Variants in VAT1L observed in about 807,000 individuals in gnomAD.
VAT1L encodes putative NADPH-dependent quinone oxidoreductase VAT1L.
In VAT1L, 34 loss-of-function variants were observed where a neutral mutation model predicts 44.1. That is an observed-to-expected ratio of 0.77 (90% CI 0.59 to 1.03). VAT1L has a LOEUF of 1.03. Among genes scored for constraint, VAT1L ranks in the 50% least tolerant of loss-of-function variants. The pLI is 0.00. For missense variants in VAT1L, 615 were observed against 538.8 expected, an observed-to-expected ratio of 1.14 and a Z score of -1.40; for synonymous variants, 253 against 202.2, an observed-to-expected ratio of 1.25 and a Z score of -2.13.
intron 7 of VAT1L, among the ~76,000 whole-genome samples, chr16:77,962,610 C>T (rs937387183): frequency 5.9e-5 from 9 of 151,952 alleles, no homozygotes; most frequent in African/African-American, 2.2e-4. Context: ...AGGCCGGGAG[C>T]AGTGGCTCAT....
intron 7 of VAT1L, among the ~76,000 whole-genome samples, chr16:77,933,641 G>T (rs1416098975): frequency 2.6e-5 from 4 of 152,246 alleles, no homozygotes; most frequent in Non-Finnish European, 5.9e-5. Flanking sequence ...AAAGCCTGAA[G>T]AGGTGATCTG....
At chr16:77,789,879 C>T (rs1434918271) in intron 1 of VAT1L, among the ~76,000 whole-genome samples, 1 of 152,146 alleles carries the variant, frequency 6.6e-6, no homozygotes, top group African/African-American at 2.4e-5. Context: ...CCCTGAAGTT[C>T]TGGGAAGAGC....
At chr16:77,916,116 G>A (rs779863462) in intron 7 of VAT1L, among the ~76,000 whole-genome samples, 5 of 152,184 alleles carry the variant, frequency 3.3e-5, no homozygotes, top group African/African-American at 9.7e-5. Context: ...GCCTTCAGAC[G>A]AAGAAATGGG....
At chr16:77,873,654 T>G (rs527347433) in intron 4 of VAT1L, among the ~76,000 whole-genome samples, 4 of 152,196 alleles carry the variant, frequency 2.6e-5, no homozygotes, top group Admixed American at 2.6e-4. Context: ...CAACCTATGA[T>G]AGGTACTAAA....
At chr16:77,894,612 T>G (rs1442175827) in intron 7 of VAT1L, among the ~76,000 whole-genome samples, 2 of 152,096 alleles carry the variant, frequency 1.3e-5, no homozygotes, top group Non-Finnish European at 2.9e-5. Context: ...TTTGGAGAGA[T>G]AAAAATGTTC....
chr16:77,893,823 G>A (rs1254056083), intron 7 of VAT1L, among the ~76,000 whole-genome samples: 2 of 152,168 alleles, frequency 1.3e-5, no homozygotes, highest in Non-Finnish European at 1.5e-5. Flanking sequence ...AAAGTCTGAT[G>A]TATAGAAGTT....
At chr16:77,963,998 C>G (rs962941894) in intron 7 of VAT1L, among the ~76,000 whole-genome samples, 2 of 152,166 alleles carry the variant, frequency 1.3e-5, no homozygotes, top group Admixed American at 6.5e-5. Context: ...CTGCCACACT[C>G]TCCACTTCCA....
chr16:77,920,118 A>G (rs1193986045), intron 7 of VAT1L, among the ~76,000 whole-genome samples: 6 of 152,220 alleles, frequency 3.9e-5, no homozygotes, highest in Admixed American at 6.5e-5. Context: ...GTATCCGGAT[A>G]CAAACAAAAT....
At chr16:77,886,962 T>C (rs1465645425) in intron 7 of VAT1L, among the ~76,000 whole-genome samples, 1 of 152,228 alleles carries the variant, frequency 6.6e-6, no homozygotes, top group Non-Finnish European at 1.5e-5. Context: ...GTATTTTATA[T>C]GTTAAAAGAG....
intron 7 of VAT1L, among the ~76,000 whole-genome samples, chr16:77,914,298 G>C (rs1450423762): frequency 6.6e-6 from 1 of 152,102 alleles, no homozygotes; most frequent in Non-Finnish European, 1.5e-5. Flanking sequence ...ATTCTCATTT[G>C]GCTATCTATG....
At chr16:77,910,854 T>C (rs572781415) in intron 7 of VAT1L, among the ~76,000 whole-genome samples, 23 of 152,310 alleles carry the variant, frequency 1.5e-4, no homozygotes, top group African/African-American at 5.5e-4. Context: ...GTATGTGCTA[T>C]ATGCCAGGCA....
chr16:77,946,179 T>A (rs2142517960), intron 7 of VAT1L, among the ~76,000 whole-genome samples: 2 of 151,980 alleles, frequency 1.3e-5, no homozygotes, highest in South Asian at 4.2e-4. Context: ...TGTACACTCA[T>A]AAGCATTTTA....
chr16:77,882,306 C>T (rs2017163435), intron 6 of VAT1L: 1 of 152,120 alleles, frequency 6.6e-6, no homozygotes, highest in Admixed American at 6.5e-5. Flanking sequence ...CAGTTTGTGC[C>T]TCACTATTTG....
intron 1 of VAT1L, among the ~76,000 whole-genome samples, chr16:77,799,662 CCAT>C (rs1323263898): frequency 1.3e-5 from 2 of 151,902 alleles, no homozygotes; most frequent in East Asian, 3.9e-4. Context: ...TAAATGGCAG[CCAT>C]CATGAGTGGA....
intron 7 of VAT1L, among the ~76,000 whole-genome samples, chr16:77,935,347 G>A (rs147852090): frequency 8.6e-4 from 131 of 152,186 alleles, no homozygotes; most frequent in African/African-American, 3.0e-3. Flanking sequence ...GGTAGTGCGG[G>A]TAAGAGAACT....
chr16:77,942,182 A>G (rs186031656), intron 7 of VAT1L, among the ~76,000 whole-genome samples: 9 of 152,306 alleles, frequency 5.9e-5, no homozygotes, highest in Admixed American at 3.9e-4. Flanking sequence ...AGGTCTCACA[A>G]TCATGGTGGA....
chr16:77,972,319 T>C (rs1597128378), intron 8 of VAT1L, among the ~76,000 whole-genome samples: 3 of 152,060 alleles, frequency 2.0e-5, no homozygotes, highest in South Asian at 2.1e-4. Context: ...CACAGATTTT[T>C]TTTTTCTTTC....
rs527554474 is a variant in VAT1L, at chr16:77,818,242, G to A, written c.363+1192G>A. ...TTTGAGCCTGCTTCTCAGTCTCAGC[G>A]TGTCTGAGCCTCAGTATCCTGTGAA... On this transcript the variant is annotated intron_variant, in intron 2 of 8. Coordinates refer to ENST00000302536, the MANE Select transcript of VAT1L (RefSeq NM_020927.3). Among the ~76,000 whole-genome samples, 6 of 152,256 alleles carry A rather than the reference G, an allele frequency of 3.9e-5. No homozygotes were observed. In the South Asian group the frequency reaches 8.3e-4, roughly 21 times the overall value.
chr16:77,803,687 G>A (rs370848867), intron 1 of VAT1L, among the ~76,000 whole-genome samples: 56 of 152,202 alleles, frequency 3.7e-4, no homozygotes, highest in African/African-American at 1.3e-3. Context: ...CCAAAGAGCT[G>A]GGATTACAGG....
Sources: allele counts gnomAD v4.1 joint callset (sites outside exome capture counted in the v4.1 genomes callset), GRCh38; gene constraint gnomAD v4.1.1; transcripts MANE v1.5; gene names NCBI Gene and HGNC (gene_info 2026-07-23, HGNC 2026-07-21).